Variants in MPP7 observed in about 807,000 individuals in gnomAD.
MPP7 encodes the protein MAGUK p55 subfamily member 7.
MPP7 carries 60 observed loss-of-function variants against 76.5 expected under a neutral mutation model. That is an observed-to-expected ratio of 0.78 (90% CI 0.64 to 0.97). The LOEUF is 0.97. Ranked by LOEUF, MPP7 falls within the 50% of genes least tolerant of loss-of-function variation. The probability of loss-of-function intolerance (pLI) is 0.00; values close to 1 mark genes in which losing one functional copy is unlikely to be tolerated. For missense variants in MPP7, 641 were observed against 694.0 expected, an observed-to-expected ratio of 0.92 and a Z score of 0.86; for synonymous variants, 237 against 244.5, an observed-to-expected ratio of 0.97 and a Z score of 0.29.
intron 3 of MPP7, among the ~76,000 whole-genome samples, chr10:28,183,603 C>T (rs1837130151): frequency 6.6e-6 from 1 of 152,118 alleles, no homozygotes; most frequent in Non-Finnish European, 1.5e-5. Context: ...GCTTGGGCAA[C>T]ATAGCAAGAC....
Position 28,245,471 on chromosome 10 carries a change from A to G in MPP7, c.-131-6736T>C, listed in dbSNP as rs199948802. ...TCACCTCATCATTTTACCTATAGGGAGATAGCACAGCCTAACAATGAGAGC... is the reference window on the plus strand; with the variant it reads ...TCACCTCATCATTTTACCTATAGGGGGATAGCACAGCCTAACAATGAGAGC... On this transcript the variant is annotated intron_variant, in intron 1 of 16. Coordinates refer to ENST00000683449, the MANE Select transcript of MPP7 (RefSeq NM_001318170.2). Among the ~76,000 whole-genome samples the G allele has an allele frequency of 9.9e-5, 15 of 152,202 alleles. No individual in the cohort carries two copies. The East Asian group carries it at 2.9e-3, about 29-fold the overall frequency.
At chr10:28,147,341 T>C in intron 5 of MPP7, 142 bp downstream of exon 5, 1 of 631,592 alleles carries the variant, frequency 1.6e-6, no homozygotes, top group East Asian at 2.8e-5. Flanking sequence ...TCTTTCTCAT[T>C]AATAGGATTT....
intron 12 of MPP7, among the ~76,000 whole-genome samples, chr10:28,087,238 G>C (rs570094098): frequency 1.3e-5 from 2 of 152,016 alleles, no homozygotes; most frequent in Non-Finnish European, 2.9e-5. Context: ...GATTCCCTTC[G>C]CCTTCCACAA....
At chr10:28,112,466 T>C (rs1262676981) in intron 11 of MPP7, among the ~76,000 whole-genome samples, 1 of 152,170 alleles carries the variant, frequency 6.6e-6, no homozygotes, top group Non-Finnish European at 1.5e-5. Flanking sequence ...TTATATCACA[T>C]ATAGTACATA....
intron 12 of MPP7, among the ~76,000 whole-genome samples, chr10:28,072,651 C>T (rs1054291679): frequency 2.0e-5 from 3 of 152,198 alleles, no homozygotes; most frequent in Admixed American, 6.5e-5. Context: ...AAATTGCTTC[C>T]AAATGCAGCC....
intron 1 of MPP7, among the ~76,000 whole-genome samples, chr10:28,251,823 G>A (rs1014955575): frequency 6.6e-6 from 1 of 152,110 alleles, no homozygotes; most frequent in Admixed American, 6.6e-5. Flanking sequence ...TTGGGAGGCT[G>A]AGGTGGGAGG....
At chr10:28,118,281 T>A (rs1271105030) in intron 11 of MPP7, 10 of 983,488 alleles carry the variant, frequency 1.0e-5, no homozygotes, top group Non-Finnish European at 1.2e-5. Context: ...TTTGTATAGT[T>A]CTTTTAAAGA....
chr10:28,133,219 T>C (rs972027710), intron 5 of MPP7, among the ~76,000 whole-genome samples: 2 of 152,208 alleles, frequency 1.3e-5, no homozygotes, highest in Admixed American at 1.3e-4. Flanking sequence ...AAGTCTGCAA[T>C]TCACAGTGTA....
intron 3 of MPP7, among the ~76,000 whole-genome samples, chr10:28,174,007 C>A (rs184302912): frequency 1.3e-5 from 2 of 152,268 alleles, no homozygotes; most frequent in East Asian, 3.9e-4. Context: ...GAAACAGTCC[C>A]ATACGAAACA....
At chr10:28,157,991 G>C (rs1836125132) in intron 3 of MPP7, among the ~76,000 whole-genome samples, 1 of 151,412 alleles carries the variant, frequency 6.6e-6, no homozygotes, top group Non-Finnish European at 1.5e-5. Context: ...TGTCCCTAGA[G>C]TTCACCACCA....
At chr10:28,175,022 G>A (rs1836809892) in intron 3 of MPP7, among the ~76,000 whole-genome samples, 1 of 152,180 alleles carries the variant, frequency 6.6e-6, no homozygotes, top group Non-Finnish European at 1.5e-5. Flanking sequence ...GGCTGAGCAT[G>A]GTGGCTCATG....
At chr10:28,068,997 G>A (rs1852101524) in intron 13 of MPP7, among the ~76,000 whole-genome samples, 1 of 152,108 alleles carries the variant, frequency 6.6e-6, no homozygotes, top group Non-Finnish European at 1.5e-5. Flanking sequence ...TGTAACATGG[G>A]GATAATGTCA....
At chr10:28,263,404 A>C (rs1288448404) in intron 1 of MPP7, among the ~76,000 whole-genome samples, 1 of 152,168 alleles carries the variant, frequency 6.6e-6, no homozygotes, top group Admixed American at 6.5e-5. Context: ...CAAATAAAGG[A>C]GGTGGGGTAT....
chr10:28,242,893 C>A (rs1174812181), intron 1 of MPP7, among the ~76,000 whole-genome samples: 1 of 152,102 alleles, frequency 6.6e-6, no homozygotes, highest in African/African-American at 2.4e-5. Context: ...ATAGAATATC[C>A]TTAATGAAGC....
intron 1 of MPP7, among the ~76,000 whole-genome samples, chr10:28,299,608 A>G (rs1841106347): frequency 6.6e-6 from 1 of 152,194 alleles, no homozygotes; most frequent in African/African-American, 2.4e-5. Flanking sequence ...TTGGAAAAAT[A>G]GCACCAATCG....
chr10:28,088,753 A>T (rs1406978401), intron 12 of MPP7, among the ~76,000 whole-genome samples: 2 of 152,212 alleles, frequency 1.3e-5, no homozygotes, highest in Non-Finnish European at 2.9e-5. Context: ...TGCATTGAGG[A>T]TGAAGTGAAG....
At chr10:28,068,526 G>A (rs1343003885) in intron 13 of MPP7, among the ~76,000 whole-genome samples, 2 of 151,904 alleles carry the variant, frequency 1.3e-5, no homozygotes, top group Non-Finnish European at 2.9e-5. Flanking sequence ...TTATTCTGCA[G>A]ATCAAAATGT....
At chr10:28,215,770 A>C (rs1588937097) in intron 2 of MPP7, among the ~76,000 whole-genome samples, 1 of 152,216 alleles carries the variant, frequency 6.6e-6, no homozygotes, top group East Asian at 1.9e-4. Flanking sequence ...CTAACCTTAC[A>C]GAATTGTTAT....
intron 5 of MPP7, among the ~76,000 whole-genome samples, chr10:28,136,690 G>A (rs1277441432): frequency 6.6e-6 from 1 of 152,002 alleles, no homozygotes; most frequent in African/African-American, 2.4e-5. Context: ...CAAACTTCTA[G>A]ATATGGAAAG....
Sources: allele counts gnomAD v4.1 joint callset (sites outside exome capture counted in the v4.1 genomes callset), GRCh38; gene constraint gnomAD v4.1.1; transcripts MANE v1.5; gene names NCBI Gene and HGNC (gene_info 2026-07-23, HGNC 2026-07-21).